BOLL: variants seen among roughly 807,000 people sequenced by gnomAD.
BOLL encodes protein boule-like.
A neutral mutation model predicts 44.4 loss-of-function variants in BOLL; 23 were observed. The observed-to-expected ratio is 0.52, with a 90% CI of 0.37 to 0.73. BOLL has a LOEUF of 0.73. BOLL is among the 30% of genes least tolerant of loss of function. The probability of loss-of-function intolerance (pLI) is 0.00; values close to 1 mark genes in which losing one functional copy is unlikely to be tolerated. For synonymous variants in BOLL, 97 were observed against 110.8 expected (o/e 0.88, Z 0.78); for missense variants, 287 against 338.3 (o/e 0.85, Z 1.19).
chr2:197,733,472 A>G (rs1210358425), intron 10 of BOLL, among the ~76,000 whole-genome samples: 1 of 151,480 alleles, frequency 6.6e-6, no homozygotes, highest in Non-Finnish European at 1.5e-5. Flanking sequence ...TTTAAAGTTC[A>G]TATGGAACCA....
intron 9 of BOLL, among the ~76,000 whole-genome samples, chr2:197,746,383 A>G (rs758355977): frequency 6.6e-6 from 1 of 152,240 alleles, no homozygotes. Flanking sequence ...TAGTCAAGAT[A>G]TGGAATCAAC....
chr2:197,775,545 TA>T, intron 5 of BOLL, 119 bp downstream of exon 5: 1 of 691,764 alleles, frequency 1.4e-6, no homozygotes, highest in Non-Finnish European at 2.2e-6. Context: ...CCAACTTTGC[TA>T]AAATAACTTT....
intron 10 of BOLL, among the ~76,000 whole-genome samples, chr2:197,741,971 GA>G (rs1358041254): frequency 2.0e-5 from 3 of 151,854 alleles, no homozygotes; most frequent in African/African-American, 2.4e-5. Context: ...AAATTTACAA[GA>G]AAAAAACAAC....
chr2:197,757,943 C>A (rs1170641639), intron 7 of BOLL, among the ~76,000 whole-genome samples: 1 of 152,144 alleles, frequency 6.6e-6, no homozygotes, highest in Non-Finnish European at 1.5e-5. Flanking sequence ...AAATACAAAT[C>A]AAAACCATAA....
intron 7 of BOLL, among the ~76,000 whole-genome samples, chr2:197,764,620 G>A (rs1279559470): frequency 2.0e-5 from 3 of 152,144 alleles, no homozygotes. Flanking sequence ...GAAGAGAGTA[G>A]CTTATCCTCT....
At chr2:197,777,031 T>C in intron 4 of BOLL, 28 bp downstream of exon 4, 1 of 1,504,412 alleles carries the variant, frequency 6.6e-7, no homozygotes. Flanking sequence ...TTTCCAGAAA[T>C]GAAGTTAAAT....
Position 197,743,069 on chromosome 2 carries a change from G to C in BOLL, c.820C>G (p.Pro274Ala), listed in dbSNP as rs771602159. 6.3e-7 allele frequency: 1 copy of C among 1,588,274 alleles called. No homozygotes were observed. Among genetic ancestry groups the C allele is most frequent in the Admixed American group, 1.8e-5 (1 of 54,770 alleles). The change falls in exon 10 of 11, where the codon CCA (proline) becomes GCA (alanine). Residue 274 changes from proline to alanine, a missense_variant. Pro to Ala is a conservative substitution (Grantham distance 27). Transcript: ENST00000392296. ...CAAAACAAATTTCTTACTTTAATTG[G>C]CTCAGGCTGCATCACAGGCGCAGGC... is the stretch of plus-strand genomic sequence containing the variant. ...TMPAPVMQPE[P>A]IKTVWSIHY
At chr2:197,756,663 A>AT (rs899006084) in intron 8 of BOLL, 107 bp from the exon 9 acceptor site, 555 of 1,147,568 alleles carry the variant, frequency 4.8e-4, no homozygotes, top group Middle Eastern at 5.6e-4. Context: ...ATTTTACTAA[A>AT]TTTTTTTTTA....
Position 197,785,300 on chromosome 2 carries a change from C to T in BOLL, c.-260G>A. 1 of 985,686 alleles carries T rather than the reference C, an allele frequency of 1.0e-6. No individual in the cohort carries two copies. Among genetic ancestry groups the T allele is most frequent in the Non-Finnish European group, 1.2e-6 (1 of 829,884 alleles). 61.1% of individuals were successfully genotyped at this position (985,686 alleles called of 1,614,324 possible). On this transcript the variant is annotated 5_prime_UTR_variant, in exon 1 of 11. Transcript: ENST00000392296. This position sits in a 1 kb window ranked among gnomAD's most constrained non-coding sequence, Gnocchi z 6.7. ...GAAGCCTCAACGGCAGCGACCCCGC[C>T]GCTGGCCTCGTGCGCAGCTGGTCCC...
At chr2:197,775,040 A>T (rs932221023) in intron 5 of BOLL, among the ~76,000 whole-genome samples, 2 of 151,934 alleles carry the variant, frequency 1.3e-5, no homozygotes, top group Non-Finnish European at 2.9e-5. Context: ...CTAGCCAAAG[A>T]CTGTTAGGAA....
chr2:197,731,766 C>T (rs1476144576), intron 10 of BOLL, among the ~76,000 whole-genome samples: 42 of 151,728 alleles, frequency 2.8e-4, no homozygotes, highest in Non-Finnish European at 4.1e-4. Flanking sequence ...TTGAAACCAA[C>T]GAGAGCAAAG....
At chr2:197,748,676 C>T (rs1688097993) in intron 9 of BOLL, among the ~76,000 whole-genome samples, 1 of 152,232 alleles carries the variant, frequency 6.6e-6, no homozygotes, top group Admixed American at 6.5e-5. Flanking sequence ...AGCCAGACTG[C>T]CTTTCTAGAT....
intron 5 of BOLL, among the ~76,000 whole-genome samples, chr2:197,772,878 T>C (rs1053757246): frequency 2.0e-5 from 3 of 151,972 alleles, no homozygotes; most frequent in African/African-American, 7.2e-5. Context: ...CTTAAATTGT[T>C]TTCTAAAATG....
intron 10 of BOLL, among the ~76,000 whole-genome samples, chr2:197,734,516 T>C (rs1329819403): frequency 6.6e-6 from 1 of 152,142 alleles, no homozygotes; most frequent in Non-Finnish European, 1.5e-5. Flanking sequence ...ACACGTATGT[T>C]TATCACGGCA....
At chr2:197,773,945 G>A in intron 5 of BOLL, 2 of 413,114 alleles carry the variant, frequency 4.8e-6, no homozygotes, top group Non-Finnish European at 4.9e-6. Flanking sequence ...AGAAATGACA[G>A]ATCTAAGAAA....
chr2:197,783,642 A>G (rs548314300), intron 1 of BOLL, among the ~76,000 whole-genome samples: 29 of 152,232 alleles, frequency 1.9e-4, no homozygotes, highest in Non-Finnish European at 2.8e-4. Flanking sequence ...GTAGTTTCCA[A>G]TGAAAGAAAC....
chr2:197,759,412 G>A (rs1688652565), intron 7 of BOLL, among the ~76,000 whole-genome samples: 1 of 152,090 alleles, frequency 6.6e-6, no homozygotes, highest in African/African-American at 2.4e-5. Flanking sequence ...GGGAATTCGT[G>A]GCTGCATTGC....
Position 197,743,174 on chromosome 2 carries a change from G to T in BOLL, c.730-15C>A. 6.5e-7 allele frequency: 1 copy of T among 1,543,748 alleles called. No individual in the cohort carries two copies. Among genetic ancestry groups the T allele is most frequent in the African/African-American group, 1.4e-5 (1 of 72,334 alleles). On this transcript the variant is annotated splice_polypyrimidine_tract_variant and intron_variant, in intron 9 of 10. Transcript: ENST00000392296. The stretch of plus-strand genomic sequence containing the variant: ...TCAGAATAAGGCTATTACAAAAAAA[G>T]AGAGAAAAAATGTCACCTTTCATCT...
chr2:197,747,289 A>G (rs1032391998), intron 9 of BOLL, among the ~76,000 whole-genome samples: 2 of 152,120 alleles, frequency 1.3e-5, no homozygotes, highest in Non-Finnish European at 2.9e-5. Context: ...ACCATAAAAA[A>G]GTAGGTGGGG....
Sources: gnomAD v4.1 joint callset for allele counts (sites outside exome capture counted in the v4.1 genomes callset) on GRCh38, gnomAD v4.1.1 for gene constraint, Gnocchi (gnomAD v3.1) non-coding constraint, MANE v1.5 for transcripts, NCBI Gene and HGNC (gene_info 2026-07-23, HGNC 2026-07-21) for gene names.